The following LNPK variants were observed in gnomAD, a reference collection of about 807,000 sequenced individuals.
The protein encoded by LNPK is endoplasmic reticulum junction formation protein lunapark.
Under a neutral mutation model 55.2 loss-of-function variants are expected in LNPK, and 29 were observed. That is an observed-to-expected ratio of 0.53 (90% confidence interval 0.39 to 0.72). The LOEUF is 0.72. Ranked by LOEUF, LNPK falls within the 30% of genes least tolerant of loss-of-function variation. LNPK has a pLI of 0.00. For synonymous variants in LNPK, 162 were observed against 168.2 expected (o/e 0.96, Z 0.29); for missense variants, 467 against 494.8 (o/e 0.94, Z 0.53).
At chr2:175,977,019 C>T (rs1302979951) in intron 5 of LNPK, among the ~76,000 whole-genome samples, 1 of 152,106 alleles carries the variant, frequency 6.6e-6, no homozygotes, top group Non-Finnish European at 1.5e-5. Context: ...GAAGAGCAGA[C>T]ATGAGGGAGT....
intron 9 of LNPK, among the ~76,000 whole-genome samples, chr2:175,941,936 G>A (rs1394145962): frequency 6.7e-6 from 1 of 149,560 alleles, no homozygotes; most frequent in African/African-American, 2.5e-5. Context: ...AGAAAACGAT[G>A]AAACAGTATG....
Position 175,947,503 on chromosome 2 carries a change from G to A in LNPK, c.683C>T (p.Pro228Leu), listed in dbSNP as rs780064628. ...SNVLPRHLGS[P>L]ATSVPGMGLH... ...ACCCATTCCAGGCACTGAAGTAGCA[G>A]GGGATCCAAGATGTCTTGGTAACAC... Residue 228 changes from proline (P) to leucine (L), a missense_variant, in exon 9 of 13, where the codon CCT (proline) becomes CTT (leucine). Pro to Leu is a moderately conservative substitution (Grantham distance 98, BLOSUM62 -3). Transcript: ENST00000272748. 8.7e-6 allele frequency: 14 copies of A among 1,613,524 alleles called. No individual in the cohort carries two copies. The highest frequency in any genetic ancestry group is 8.5e-6 in the Non-Finnish European group (10 of 1,179,872).
At position 175,965,441 on chromosome 2, in the gene LNPK, T is replaced by C. The variant is rs185199454; in HGVS notation, c.358-852A>G. ...CATAGTAATGACAAATTACCTAATA[T>C]GTAGGATAAAGTGCTTTTGCAAAAA... On this transcript the variant is annotated intron_variant, in intron 6 of 12. Transcript: ENST00000272748. Among the ~76,000 whole-genome samples the C allele has an allele frequency of 1.3e-4, 20 of 152,282 alleles. No homozygotes were observed. The East Asian group carries it at 3.3e-3, about 25-fold the overall frequency.
In LNPK at chr2:175,926,828, T is replaced by A. The variant is rs1684029024; in HGVS notation, c.*3139A>T. The A allele has an allele frequency of 6.6e-6, 1 of 152,246 alleles. No homozygotes were observed. The highest frequency in any genetic ancestry group is 2.4e-5 in the African/African-American group (1 of 41,462). 9.4% of individuals were successfully genotyped at this position (152,246 alleles called of 1,614,324 possible). On this transcript the variant is annotated 3_prime_UTR_variant, in exon 13 of 13. Coordinates refer to ENST00000272748, the MANE Select transcript of LNPK (RefSeq NM_030650.3). ...CAGCTTCTGGCTTAGAGAGTAACTC[T>A]ATTTGATTAGATGAGAAACATAAAC... is the stretch of plus-strand genomic sequence containing the variant.
rs756627656 is a variant in LNPK, at chr2:175,993,165, A to T, written c.69+17T>A. The T allele has an allele frequency of 3.0e-5, 45 of 1,483,164 alleles. No individual in the cohort carries two copies. The highest frequency in any genetic ancestry group is 4.1e-5 in the Non-Finnish European group (45 of 1,084,612). The allele number at this position is 1,483,164 out of a possible 1,614,324, so 91.9% of individuals were successfully genotyped here. On this transcript the variant is annotated intron_variant, in intron 3 of 12. Coordinates refer to ENST00000272748, the MANE Select transcript of LNPK (RefSeq NM_030650.3). ...TACCTAAAATGAATTAAAATACCTC[A>T]CAGCCAAAGAACATACCTTATCTAT...
At chr2:175,935,745 C>A (rs1471997963) in intron 12 of LNPK, 32 of 976,890 alleles carry the variant, frequency 3.3e-5, no homozygotes, top group South Asian at 4.7e-5. Flanking sequence ...AGACTTCTTT[C>A]CAGGAATTTC....
At chr2:175,953,371 T>C (rs1685514145) in intron 8 of LNPK, among the ~76,000 whole-genome samples, 1 of 152,096 alleles carries the variant, frequency 6.6e-6, no homozygotes, top group South Asian at 2.1e-4. Context: ...TCTCCTGAGC[T>C]CCATATGAAA....
chr2:175,992,264 G>C lies in LNPK; in HGVS notation c.224C>G (p.Ala75Gly). Residue 75 changes from alanine to glycine, a missense_variant, in exon 4 of 13, where the codon GCC (alanine) becomes GGC (glycine). Transcript: ENST00000272748. ...YLPDEFTARL[A>G]MTLPFFAFPL... The stretch of plus-strand genomic sequence containing the variant: ...AAAAGCAAAAAATGGGAGTGTCATG[G>C]CAAGTCTTGCTGTAAATTCATCAGG... 6.4e-7 allele frequency: 1 copy of C among 1,562,084 alleles called. No homozygotes were observed. Among genetic ancestry groups the C allele is most frequent in the Non-Finnish European group, 8.6e-7 (1 of 1,163,440 alleles).
intron 1 of LNPK, among the ~76,000 whole-genome samples, chr2:176,001,837 C>T (rs1316078054): frequency 6.6e-6 from 1 of 152,128 alleles, no homozygotes; most frequent in Non-Finnish European, 1.5e-5. Context: ...AGAGCTGGGG[C>T]TCAAGCCAGT....
At chr2:175,930,707 A>G (rs931861757) in intron 12 of LNPK, among the ~76,000 whole-genome samples, 4 of 152,032 alleles carry the variant, frequency 2.6e-5, no homozygotes, top group African/African-American at 9.7e-5. Context: ...GTGCGTTCCT[A>G]CACTGATATA....
At chr2:175,999,818 T>C (rs1244774916) in intron 1 of LNPK, among the ~76,000 whole-genome samples, 2 of 152,194 alleles carry the variant, frequency 1.3e-5, no homozygotes, top group Non-Finnish European at 2.9e-5. Flanking sequence ...CAGGCTGGAG[T>C]GCAGTGGCAC....
chr2:175,976,595 A>C (rs1312293044), intron 5 of LNPK, among the ~76,000 whole-genome samples: 3 of 152,214 alleles, frequency 2.0e-5, no homozygotes, highest in Non-Finnish European at 4.4e-5. Flanking sequence ...GCCCTCAGCC[A>C]ATCAGCTGAA....
chr2:176,001,817 A>G (rs893506477), intron 1 of LNPK, among the ~76,000 whole-genome samples: 6 of 152,166 alleles, frequency 3.9e-5, no homozygotes, highest in Non-Finnish European at 5.9e-5. Flanking sequence ...GCTCGACACA[A>G]GTGGGCCAAA....
rs777211590 is a variant in LNPK, at chr2:175,992,463, TAAAG to T, written c.70-49_70-46del. 9 of 1,189,530 alleles carry T rather than the reference TAAAG, an allele frequency of 7.6e-6. No individual in the cohort carries two copies. The African/African-American group carries it at 1.3e-4, about 17-fold the overall frequency. The allele number at this position is 1,189,530 out of a possible 1,614,324, so 73.7% of individuals were successfully genotyped here. On this transcript the variant is annotated intron_variant, in intron 3 of 12. Transcript: ENST00000272748. ...CCATGTTAGTAAATTTCAAACTTCA[TAAAG>T]AAATTAAAATGTTAAAAAATTTTAG...
At chr2:175,994,774 T>A (rs1687856516) in intron 2 of LNPK, among the ~76,000 whole-genome samples, 1 of 152,162 alleles carries the variant, frequency 6.6e-6, no homozygotes, top group Non-Finnish European at 1.5e-5. Flanking sequence ...CTCTAAAAGC[T>A]TATCCAATAA....
intron 12 of LNPK, among the ~76,000 whole-genome samples, chr2:175,931,836 C>T (rs1450812738): frequency 6.6e-6 from 1 of 152,156 alleles, no homozygotes; most frequent in Non-Finnish European, 1.5e-5. Flanking sequence ...CAAATCATTT[C>T]TGCTACAAGG....
intron 5 of LNPK, among the ~76,000 whole-genome samples, chr2:175,974,234 T>C (rs547805188): frequency 6.6e-6 from 1 of 152,374 alleles, no homozygotes; most frequent in South Asian, 2.1e-4. Flanking sequence ...TTCCATTATG[T>C]ACTAAAAGTG....
In LNPK at chr2:175,988,061, G is replaced by GT; in HGVS notation, c.257+4169dup. ...GAATTAACATTCTATAAACCTGGTG[G>GT]TTTTTCACCAACCTTCATATATGCA... On this transcript the variant is annotated intron_variant, in intron 4 of 12. Transcript: ENST00000272748. 2.0e-5 allele frequency among the ~76,000 whole-genome samples: 3 copies of GT among 152,202 alleles called. 1 individual carries two copies. The Middle Eastern group carries it at 0.01, about 518-fold the overall frequency.
chr2:175,955,577 C>T (rs139107266), intron 8 of LNPK, among the ~76,000 whole-genome samples: 1,948 of 152,262 alleles, frequency 0.013, 31 homozygotes, highest in Non-Finnish European at 0.022. Context: ...ATGTAAAGAA[C>T]ATCCAAATTT....
Sources: gnomAD v4.1 joint callset for allele counts (sites outside exome capture counted in the v4.1 genomes callset) on GRCh38, gnomAD v4.1.1 for gene constraint, MANE v1.5 for transcripts, NCBI Gene and HGNC (gene_info 2026-07-23, HGNC 2026-07-21) for gene names.